PIEZO1: variants seen among roughly 807,000 people sequenced by gnomAD.
The protein encoded by PIEZO1 is piezo-type mechanosensitive ion channel component 1.
A neutral mutation model predicts 297.2 loss-of-function variants in PIEZO1; 296 were observed. That is an observed-to-expected ratio of 1.00 (90% CI 0.91 to 1.10). The LOEUF (loss-of-function observed/expected upper bound fraction) is 1.10. Ranked by LOEUF, PIEZO1 falls within the 50% of genes least tolerant of loss-of-function variation. PIEZO1 has a pLI of 0.00. For synonymous variants in PIEZO1, 2,427 were observed against 1,507.5 expected (o/e 1.61, Z -14.13); for missense variants, 5,018 against 3,455.5 (o/e 1.45, Z -11.34).
rs1912015209 is a variant in PIEZO1 at position 88,716,218 on chromosome 16, G to A, written c.7109C>T (p.Pro2370Leu). 1.3e-6 allele frequency: 2 copies of A among 1,499,306 alleles called. No individual in the cohort carries two copies. Among genetic ancestry groups the A allele is most frequent in the Non-Finnish European group, 1.8e-6 (2 of 1,118,848 alleles). 92.9% of individuals were successfully genotyped at this position (1,499,306 alleles called of 1,614,324 possible). A position where few individuals can be genotyped will look rare whatever the true frequency, so the allele number is the denominator to read the frequency against. ...IRAPNGPEAN[P>L]VKQLQPNEEA... ...CTCACTGGGCTGCAGCTGCTTCACAGGGTTGGCTTCGGGCCCGTTGGGGGC... is the reference window on the plus strand; with the variant it reads ...CTCACTGGGCTGCAGCTGCTTCACAAGGTTGGCTTCGGGCCCGTTGGGGGC... The change falls in exon 49 of 51, where the codon CCT (proline) becomes CTT (leucine). Residue 2370 changes from proline to leucine, a missense_variant. Physicochemically the swap from Pro to Leu is moderately conservative, Grantham distance 98 (BLOSUM62 -3). Coordinates refer to ENST00000301015, the MANE Select transcript of PIEZO1 (RefSeq NM_001142864.4).
At chr16:88,760,085 C>G (rs1368492419) in intron 1 of PIEZO1, among the ~76,000 whole-genome samples, 1 of 150,890 alleles carries the variant, frequency 6.6e-6, no homozygotes, top group Non-Finnish European at 1.5e-5. Flanking sequence ...GCCTGGCCCA[C>G]CCTCCACAAG....
At position 88,738,350 on chromosome 16, in the gene PIEZO1, G is replaced by C; in HGVS notation, c.725C>G (p.Thr242Ser). The change falls in exon 7 of 51, where the codon ACT becomes AGT. Residue 242 changes from threonine to serine, a missense_variant. By Grantham distance (58) the Thr-to-Ser change is moderately conservative. Coordinates refer to ENST00000301015, the MANE Select transcript of PIEZO1 (RefSeq NM_001142864.4). ...GACGCAGAGTCTGCTGAAGCCCCGAGTGCTGATGGGAAAGTGGCAGGCCCA... is the reference window on the plus strand; with the variant it reads ...GACGCAGAGTCTGCTGAAGCCCCGACTGCTGATGGGAAAGTGGCAGGCCCA... ...TWWACHFPIS[T>S]RGFSRLCVAV... 2 of 1,535,920 alleles carry C rather than the reference G, an allele frequency of 1.3e-6. No homozygotes were observed. The highest frequency in any genetic ancestry group is 1.7e-6 in the Non-Finnish European group (2 of 1,146,868).
Position 88,721,411 on chromosome 16 carries a change from T to G in PIEZO1, c.5423A>C (p.His1808Pro), listed in dbSNP as rs939464944. The change falls in exon 39 of 51, where the codon CAT (histidine) becomes CCT (proline). Residue 1808 changes from histidine (H) to proline (P), a missense_variant. Transcript: ENST00000301015. ...CTCCTTGGATGGTGAGTCCTCCTCA[T>G]GGTCCCAGAGGCCATAGCACTGAGG... The part of the protein sequence containing the change: ...SQLLCYGLWD[H>P]EEDSPSKEHD... 1 of 1,549,586 alleles carries G rather than the reference T, an allele frequency of 6.5e-7. No homozygotes were observed. The highest frequency in any genetic ancestry group is 8.7e-7 in the Non-Finnish European group (1 of 1,146,556).
chr16:88,764,585 T>A (rs1050263602), intron 1 of PIEZO1, among the ~76,000 whole-genome samples: 2 of 151,612 alleles, frequency 1.3e-5, no homozygotes, highest in Non-Finnish European at 2.9e-5. Flanking sequence ...ACCCCGTCGC[T>A]ACTAAAAATA....
chr16:88,738,193 G>A, intron 7 of PIEZO1, 34 bp downstream of exon 7: 2 of 1,533,670 alleles, frequency 1.3e-6, no homozygotes, highest in Non-Finnish European at 1.7e-6. Flanking sequence ...GGACCAGGGT[G>A]GCAGGAAAAA....
chr16:88,745,809 G>A (rs1460493645), intron 2 of PIEZO1: 1 of 151,996 alleles, frequency 6.6e-6, no homozygotes, highest in Non-Finnish European at 1.5e-5. Flanking sequence ...CTCTCAGGAG[G>A]AAACAGGAAG....
intron 14 of PIEZO1, 34 bp from the exon 15 acceptor site, chr16:88,734,832 G>A (rs1285496573): frequency 5.2e-6 from 8 of 1,550,166 alleles, no homozygotes; most frequent in Non-Finnish European, 7.0e-6. Context: ...GAGGACCGCG[G>A]GGAGGGTCCG....
At chr16:88,719,270 C>T in intron 44 of PIEZO1, 2 of 353,008 alleles carry the variant, frequency 5.7e-6, no homozygotes, top group Non-Finnish European at 1.1e-5. Context: ...TGAGAAAGGC[C>T]ATTAAACAAG....
chr16:88,737,592 G>C lies in PIEZO1; in HGVS notation c.1162C>G (p.Leu388Val), dbSNP rs1905315327. The C allele has an allele frequency of 7.2e-6, 11 of 1,534,622 alleles. No homozygotes were observed. The highest frequency in any genetic ancestry group is 8.7e-6 in the Non-Finnish European group (10 of 1,146,468). ...TEADNCIVHE[L>V]TGQSSVLRRP... ...CGCAGGACGGAGCTCTGGCCGGTCA[G>C]CTCGTGCACGATGCAGTTATCAGCC... Residue 388 changes from leucine to valine, a missense_variant, in exon 10 of 51, where the codon CTG (leucine) becomes GTG (valine). Leu to Val is a conservative substitution (Grantham distance 32). Coordinates refer to ENST00000301015, the MANE Select transcript of PIEZO1 (RefSeq NM_001142864.4).
Position 88,720,699 on chromosome 16 carries a change from G to C in PIEZO1, c.5718C>G (p.Pro1906=), listed in dbSNP as rs997555489. The change falls in exon 40 of 51, where the codon CCC becomes CCG. Residue 1906 remains proline (P), a synonymous_variant. Coordinates refer to ENST00000301015, the MANE Select transcript of PIEZO1 (RefSeq NM_001142864.4). ...GGCTTGGCCTCTTCTCTCTCCCCGTGGGGGCCTCTTTCTCTTCCTCCCCCT... is the reference window on the plus strand; with the variant it reads ...GGCTTGGCCTCTTCTCTCTCCCCGTCGGGGCCTCTTTCTCTTCCTCCCCCT... The part of the protein sequence containing the change: ...EEEGEEEKEA[P]TGREKRPSRS... The C allele has an allele frequency of 5.9e-6, 9 of 1,536,968 alleles. No individual in the cohort carries two copies. The African/African-American group carries it at 1.2e-4, about 21-fold the overall frequency.
chr16:88,738,075 G>A lies in PIEZO1; in HGVS notation c.879C>T (p.Pro293=). 2.0e-6 allele frequency: 3 copies of A among 1,535,822 alleles called. No homozygotes were observed. Among genetic ancestry groups the A allele is most frequent in the Non-Finnish European group, 2.6e-6 (3 of 1,146,842 alleles). The change falls in exon 8 of 51, where the codon CCC becomes CCT. Residue 293 remains proline (P), a synonymous_variant. Transcript: ENST00000301015. ...RVLGLKDFVG[P]TNCSSPHALV... ...GCGCGTGGGGGCTGGAGCAGTTGGT[G>A]GGACCCACGAAGTCCTTGAGACCCA...
At chr16:88,777,410 G>A (rs562732889) in intron 1 of PIEZO1, among the ~76,000 whole-genome samples, 1 of 152,014 alleles carries the variant, frequency 6.6e-6, no homozygotes, top group African/African-American at 2.4e-5. Context: ...CACATTGCAG[G>A]GTCCTCACTG....
Position 88,722,343 on chromosome 16 carries a change from G to C in PIEZO1, c.4830C>G (p.Pro1610=). The change falls in exon 36 of 51, where the codon CCC becomes CCG. Residue 1610 remains proline (P), a synonymous_variant. Transcript: ENST00000301015. The part of the protein sequence containing the change: ...LSSMTDDMGS[P]LSTGYHTRSG... Reference sequence around the variant, plus strand: ...TGCGCGTGTGGTAGCCGGTGCTCAGGGGGCTGCCCATGTCGTCTGTCATGC... The same window carrying C: ...TGCGCGTGTGGTAGCCGGTGCTCAGCGGGCTGCCCATGTCGTCTGTCATGC... 1 of 1,538,822 alleles carries C rather than the reference G, an allele frequency of 6.5e-7. No homozygotes were observed. Among genetic ancestry groups the C allele is most frequent in the Non-Finnish European group, 8.8e-7 (1 of 1,141,618 alleles).
intron 1 of PIEZO1, among the ~76,000 whole-genome samples, chr16:88,763,678 G>A (rs1046723305): frequency 1.3e-5 from 2 of 152,206 alleles, no homozygotes; most frequent in African/African-American, 4.8e-5. Flanking sequence ...CTCTCTGGCT[G>A]ACCCAGGGAG....
chr16:88,721,479 A>G, intron 38 of PIEZO1, 49 bp from the exon 39 acceptor site: 1 of 1,538,216 alleles, frequency 6.5e-7, no homozygotes, highest in Non-Finnish European at 8.8e-7. Flanking sequence ...CCTGGTGGAG[A>G]GCACAGGTGC....
intron 19 of PIEZO1, 175 bp from the exon 20 acceptor site, chr16:88,732,907 CAG>C (rs906726516): frequency 3.1e-6 from 2 of 649,108 alleles, no homozygotes; most frequent in Non-Finnish European, 5.3e-6. Context: ...GTTTGAGAAA[CAG>C]GGAGACCACG....
intron 22 of PIEZO1, among the ~76,000 whole-genome samples, chr16:88,730,686 C>T (rs1459597051): frequency 2.0e-5 from 3 of 152,004 alleles, no homozygotes; most frequent in African/African-American, 4.8e-5. Flanking sequence ...CCTGCCTCAG[C>T]CTCCCAAAGT....
intron 12 of PIEZO1, among the ~76,000 whole-genome samples, chr16:88,735,690 G>C (rs1905163357): frequency 6.6e-6 from 1 of 152,398 alleles, no homozygotes; most frequent in Middle Eastern, 3.4e-3. Flanking sequence ...ACACGATGCT[G>C]GCACCCGTTT....
chr16:88,784,835 TC>T, intron 1 of PIEZO1, 65 bp downstream of exon 1: 1 of 1,198,000 alleles, frequency 8.3e-7, no homozygotes, highest in East Asian at 3.5e-5. Flanking sequence ...TCGTCCGGTG[TC>T]CAGGCCGTGG....
Sources: allele counts gnomAD v4.1 joint callset (sites outside exome capture counted in the v4.1 genomes callset), GRCh38; gene constraint gnomAD v4.1.1; transcripts MANE v1.5; gene names NCBI Gene and HGNC (gene_info 2026-07-23, HGNC 2026-07-21).